Variants in PRUNE2 observed in about 807,000 individuals in gnomAD.
PRUNE2 encodes the protein prune homolog 2 with BCH domain, also known as protein prune homolog 2.
A neutral mutation model predicts 252.0 loss-of-function variants in PRUNE2; 164 were observed. The observed-to-expected ratio is 0.65, with a 90% confidence interval of 0.57 to 0.74. The LOEUF is 0.74. PRUNE2 is among the 30% of genes least tolerant of loss of function. The pLI, the probability that PRUNE2 is intolerant of heterozygous loss-of-function variation, is 0.00. For missense variants in PRUNE2, 3,495 were observed against 3,711.0 expected, an observed-to-expected ratio of 0.94 and a Z score of 1.51; for synonymous variants, 1,292 against 1,350.2, an observed-to-expected ratio of 0.96 and a Z score of 0.94.
intron 1 of PRUNE2, among the ~76,000 whole-genome samples, chr9:76,904,455 C>A (rs1187164570): frequency 1.3e-5 from 2 of 152,048 alleles, no homozygotes; most frequent in East Asian, 3.9e-4. Context: ...AGATACAGCC[C>A]AGAACTCTGT....
rs140137838 is a variant in PRUNE2, at chr9:76,703,904, T to G, written c.7709A>C (p.Glu2570Ala). Reference sequence around the variant, plus strand: ...ATACAATTCTAATTCAGCTATGCTTTCTCTTTCTTCACAGGTCTCTGGCTT... The same window carrying G: ...ATACAATTCTAATTCAGCTATGCTTGCTCTTTCTTCACAGGTCTCTGGCTT... Reference protein sequence around the residue: ...HSKPETCEERESIAELELYVG... With the variant: ...HSKPETCEERASIAELELYVG... The change falls in exon 9 of 19, where the codon GAA (glutamate) becomes GCA (alanine). Residue 2570 changes from glutamate (E) to alanine (A), a missense_variant. Physicochemically the swap from Glu to Ala is moderately radical, Grantham distance 107. Coordinates refer to ENST00000376718, the MANE Select transcript of PRUNE2 (RefSeq NM_015225.3). 1.4e-3 allele frequency: 2,280 copies of G among 1,613,906 alleles called. 23 individuals carry two copies. The African/African-American group carries it at 0.02, about 14-fold the overall frequency.
chr9:76,829,919 A>G (rs2058572748), intron 4 of PRUNE2, among the ~76,000 whole-genome samples: 1 of 152,190 alleles, frequency 6.6e-6, no homozygotes, highest in South Asian at 2.1e-4. Flanking sequence ...AAATAGAAGA[A>G]ATGACTGGAA....
At chr9:76,774,453 T>TA (rs370472844) in intron 6 of PRUNE2, among the ~76,000 whole-genome samples, 44,511 of 122,062 alleles carry the variant, frequency 0.36, 9,103 homozygotes, top group African/African-American at 0.56. Context: ...TTCAACCCTT[T>TA]TTTTTTTTTT....
chr9:76,655,641 A>AC, intron 9 of PRUNE2, 139 bp from the exon 10 acceptor site: 1 of 640,450 alleles, frequency 1.6e-6, no homozygotes, highest in Non-Finnish European at 2.8e-6. Flanking sequence ...AATCCACTGT[A>AC]AGTGGTCCCA....
intron 1 of PRUNE2, among the ~76,000 whole-genome samples, chr9:76,883,190 C>G (rs934221298): frequency 6.6e-6 from 1 of 152,172 alleles, no homozygotes; most frequent in Non-Finnish European, 1.5e-5. Flanking sequence ...AATTGTTTCA[C>G]AAAAACTACA....
At position 76,890,917 on chromosome 9, in the gene PRUNE2, C is replaced by G. The variant is rs558460079; in HGVS notation, c.36+15011G>C. Among the ~76,000 whole-genome samples, 4 of 152,344 alleles carry G rather than the reference C, an allele frequency of 2.6e-5. No individual in the cohort carries two copies. In the South Asian group the frequency reaches 8.3e-4, roughly 32 times the overall value. On this transcript the variant is annotated intron_variant, in intron 1 of 18. Transcript: ENST00000376718. Reference sequence around the variant, plus strand: ...TCTTTATTCACCAGCGTGAATTAATCAAATGCTTAAGAAAGATTGGAAAAC... The same window carrying G: ...TCTTTATTCACCAGCGTGAATTAATGAAATGCTTAAGAAAGATTGGAAAAC...
At chr9:76,886,164 G>A (rs978972421) in intron 1 of PRUNE2, among the ~76,000 whole-genome samples, 5 of 149,864 alleles carry the variant, frequency 3.3e-5, no homozygotes, top group Non-Finnish European at 5.9e-5. Context: ...CCAGCCTGGC[G>A]ACAGAGCGAG....
intron 9 of PRUNE2, among the ~76,000 whole-genome samples, chr9:76,702,270 G>A (rs1225601505): frequency 6.6e-6 from 1 of 152,000 alleles, no homozygotes; most frequent in Non-Finnish European, 1.5e-5. Context: ...GTTAGCCAGG[G>A]TGGTTTCAAA....
chr9:76,736,187 T>C (rs1004534638), intron 6 of PRUNE2, among the ~76,000 whole-genome samples: 1 of 152,104 alleles, frequency 6.6e-6, no homozygotes, highest in African/African-American at 2.4e-5. Context: ...AGGGATACTT[T>C]TTCTATATAC....
chr9:76,879,760 A>G (rs11145113), intron 1 of PRUNE2, among the ~76,000 whole-genome samples: 16,068 of 150,906 alleles, frequency 0.11, 2,809 homozygotes, highest in African/African-American at 0.37. Flanking sequence ...CAAAGGGTAC[A>G]GCAAAGACCC....
chr9:76,649,612 T>TAGATGATA (rs1554795862), intron 11 of PRUNE2, among the ~76,000 whole-genome samples: 21 of 149,986 alleles, frequency 1.4e-4, no homozygotes, highest in African/African-American at 2.0e-4. Context: ...GATAGATAGA[T>TAGATGATA]GATAGATAGA....
intron 6 of PRUNE2, among the ~76,000 whole-genome samples, chr9:76,732,402 C>G (rs571428819): frequency 1.3e-5 from 2 of 152,346 alleles, no homozygotes; most frequent in South Asian, 4.1e-4. Context: ...CTATCATGGT[C>G]TAGAACCTCT....
chr9:76,619,400 A>G lies in PRUNE2; in HGVS notation c.9189-13T>C, dbSNP rs751252984. The G allele has an allele frequency of 1.6e-5, 25 of 1,591,598 alleles. No individual in the cohort carries two copies. Among genetic ancestry groups the G allele is most frequent in the African/African-American group, 2.7e-5 (2 of 74,552 alleles). On this transcript the variant is annotated splice_polypyrimidine_tract_variant and intron_variant, in intron 17 of 18. Coordinates refer to ENST00000376718, the MANE Select transcript of PRUNE2 (RefSeq NM_015225.3). ...AAGGCAGCTAGTTCTGAGTGCAAGG[A>G]AAAAATAGGAAGCAGTCAACATTTC...
chr9:76,722,625 C>T (rs1231442022), intron 6 of PRUNE2, among the ~76,000 whole-genome samples: 5 of 152,066 alleles, frequency 3.3e-5, no homozygotes, highest in Non-Finnish European at 7.4e-5. Context: ...TAGTATATTG[C>T]CTGACATAAT....
intron 6 of PRUNE2, among the ~76,000 whole-genome samples, chr9:76,749,069 G>A (rs2050385036): frequency 6.6e-6 from 1 of 152,196 alleles, no homozygotes; most frequent in African/African-American, 2.4e-5. Flanking sequence ...CAACCTAATA[G>A]TCAGAAGGTA....
intron 6 of PRUNE2, among the ~76,000 whole-genome samples, chr9:76,755,982 C>T (rs1433390929): frequency 6.6e-6 from 1 of 152,158 alleles, no homozygotes; most frequent in African/African-American, 2.4e-5. Context: ...GGACTATAGG[C>T]GTGAGCCACC....
rs150470296 is a variant in PRUNE2, at chr9:76,832,064, C to T, written c.509-5332G>A. 9.4e-4 allele frequency among the ~76,000 whole-genome samples: 143 copies of T among 152,166 alleles called. 1 individual carries two copies. In the East Asian group the frequency reaches 0.023, roughly 24 times the overall value. ...TAAGGGGTCAATCCTCTGGAAGATA[C>T]ATCAATTCTAAATTTGTATGCACTA... On this transcript the variant is annotated intron_variant, in intron 4 of 18. Coordinates refer to ENST00000376718, the MANE Select transcript of PRUNE2 (RefSeq NM_015225.3).
intron 14 of PRUNE2, among the ~76,000 whole-genome samples, chr9:76,637,009 G>GTGTGTGTGTGTA (rs1554779750): frequency 8.2e-4 from 123 of 150,396 alleles, no homozygotes; most frequent in African/African-American, 3.0e-3. Context: ...GTGTGTGTGT[G>GTGTGTGTGTGTA]TATAATTTTA....
At chr9:76,902,555 C>A in intron 1 of PRUNE2, among the ~76,000 whole-genome samples, 1 of 152,178 alleles carries the variant, frequency 6.6e-6, no homozygotes, top group East Asian at 1.9e-4. Flanking sequence ...CTCAAGCTTG[C>A]GGGGCTTGCT....
Sources: allele counts gnomAD v4.1 joint callset (sites outside exome capture counted in the v4.1 genomes callset), GRCh38; gene constraint gnomAD v4.1.1; transcripts MANE v1.5; gene names NCBI Gene and HGNC (gene_info 2026-07-23, HGNC 2026-07-21).